ADCY2: variants seen among roughly 807,000 people sequenced by gnomAD.
ADCY2 encodes adenylate cyclase type 2.
Under a neutral mutation model 125.2 loss-of-function variants are expected in ADCY2, and 31 were observed. The ratio of observed to expected loss-of-function variants is 0.25; its 90% CI spans 0.19 to 0.33. ADCY2 has a LOEUF of 0.33. Ranked by LOEUF, ADCY2 falls within the 10% of genes least tolerant of loss-of-function variation. The pLI is 1.00. For synonymous variants in ADCY2, 512 were observed against 548.4 expected, an observed-to-expected ratio of 0.93 and a Z score of 0.93; for missense variants, 904 against 1,418.2, an observed-to-expected ratio of 0.64 and a Z score of 5.82.
At chr5:7,760,038 G>A (rs1743143784) in intron 16 of ADCY2, among the ~76,000 whole-genome samples, 1 of 152,152 alleles carries the variant, frequency 6.6e-6, no homozygotes, top group Non-Finnish European at 1.5e-5. Flanking sequence ...TCTTGAAAGA[G>A]CCTTTCTGCA....
chr5:7,772,395 A>G (rs1296727052), intron 17 of ADCY2, among the ~76,000 whole-genome samples: 8 of 152,208 alleles, frequency 5.3e-5, no homozygotes, highest in Non-Finnish European at 7.3e-5. Flanking sequence ...ACCCTGGTCA[A>G]GGCTTTTAAT....
chr5:7,794,168 AT>A (rs1219223318), intron 20 of ADCY2: 1 of 152,218 alleles, frequency 6.6e-6, no homozygotes, highest in Non-Finnish European at 1.5e-5. Context: ...TGATCGTGTC[AT>A]TCTGCTCAGC....
At chr5:7,616,232 AG>A (rs1372504585) in intron 3 of ADCY2, among the ~76,000 whole-genome samples, 1 of 152,194 alleles carries the variant, frequency 6.6e-6, no homozygotes, top group Non-Finnish European at 1.5e-5. Flanking sequence ...TAATGTCAGA[AG>A]GAGTATAATA....
chr5:7,689,678 G>C (rs567379320), intron 4 of ADCY2, among the ~76,000 whole-genome samples: 1 of 152,088 alleles, frequency 6.6e-6, no homozygotes, highest in African/African-American at 2.4e-5. Context: ...AAGCAAATCC[G>C]AGCTTCCCCT....
intron 3 of ADCY2, among the ~76,000 whole-genome samples, chr5:7,574,745 G>A (rs564969377): frequency 6.6e-6 from 1 of 152,264 alleles, no homozygotes; most frequent in African/African-American, 2.4e-5. Context: ...TTCACATGGA[G>A]GACATCCTTT....
intron 2 of ADCY2, among the ~76,000 whole-genome samples, chr5:7,468,985 G>A (rs1159940704): frequency 6.6e-6 from 1 of 152,064 alleles, no homozygotes; most frequent in African/African-American, 2.4e-5. Flanking sequence ...TCCTTACAAG[G>A]TCAAGGCAGA....
At chr5:7,522,255 T>C (rs918757644) in intron 3 of ADCY2, 1 of 152,234 alleles carries the variant, frequency 6.6e-6, no homozygotes, top group African/African-American at 2.4e-5. Context: ...AACACATCCA[T>C]CACCACCCAT....
chr5:7,671,744 G>A (rs138516391), intron 4 of ADCY2, among the ~76,000 whole-genome samples: 19 of 152,158 alleles, frequency 1.2e-4, no homozygotes, highest in African/African-American at 4.6e-4. Context: ...TACTGAGTGG[G>A]GAAATGAGAT....
intron 3 of ADCY2, among the ~76,000 whole-genome samples, chr5:7,614,145 C>T (rs963960674): frequency 1.3e-5 from 2 of 152,222 alleles, no homozygotes; most frequent in Non-Finnish European, 2.9e-5. Context: ...CTTCATGCAT[C>T]TCATGAGTGT....
intron 3 of ADCY2, among the ~76,000 whole-genome samples, chr5:7,562,674 A>G (rs1307251827): frequency 1.3e-5 from 2 of 152,198 alleles, no homozygotes; most frequent in African/African-American, 4.8e-5. Context: ...CGGCCTTAGT[A>G]GTGGGAAACA....
Position 7,724,687 on chromosome 5 carries a change from A to C in ADCY2, c.1773+73A>C, listed in dbSNP as rs925706424. On this transcript the variant is annotated intron_variant, in intron 13 of 24. Transcript: ENST00000338316. Reference sequence around the variant, plus strand: ...TGAATTTCTTCATGAAATTGTGCTCATGTTTTTTATATGTGACATTTAAAC... The same window carrying C: ...TGAATTTCTTCATGAAATTGTGCTCCTGTTTTTTATATGTGACATTTAAAC... 1.4e-5 allele frequency: 16 copies of C among 1,128,436 alleles called. No homozygotes were observed. The African/African-American group carries it at 2.2e-4, about 16-fold the overall frequency. The allele number at this position is 1,128,436 out of a possible 1,614,324, so 69.9% of individuals were successfully genotyped here.
At chr5:7,654,963 G>T (rs1011369213) in intron 4 of ADCY2, among the ~76,000 whole-genome samples, 1 of 152,200 alleles carries the variant, frequency 6.6e-6, no homozygotes, top group Non-Finnish European at 1.5e-5. Flanking sequence ...CCTAGAGGAT[G>T]TGACTGGCTG....
At chr5:7,458,707 C>T (rs969734344) in intron 2 of ADCY2, among the ~76,000 whole-genome samples, 4 of 152,140 alleles carry the variant, frequency 2.6e-5, no homozygotes, top group East Asian at 1.9e-4. Context: ...ACCATTATCA[C>T]ACAATTGTAA....
chr5:7,540,662 G>C (rs948500433), intron 3 of ADCY2, among the ~76,000 whole-genome samples: 5 of 152,138 alleles, frequency 3.3e-5, no homozygotes, highest in African/African-American at 9.7e-5. Flanking sequence ...TGAATATTCT[G>C]AATATTCCAG....
chr5:7,722,094 A>G (rs1741778547), intron 12 of ADCY2, among the ~76,000 whole-genome samples: 1 of 152,230 alleles, frequency 6.6e-6, no homozygotes. Flanking sequence ...GCCACAAGCC[A>G]GACCCGGTGT....
chr5:7,476,196 T>C (rs370667087), intron 2 of ADCY2, among the ~76,000 whole-genome samples: 4 of 151,986 alleles, frequency 2.6e-5, no homozygotes, highest in South Asian at 4.1e-4. Flanking sequence ...GCTTGTTCCA[T>C]ATTTAGTAGG....
intron 16 of ADCY2, among the ~76,000 whole-genome samples, chr5:7,765,178 A>G (rs1743341082): frequency 6.6e-6 from 1 of 152,212 alleles, no homozygotes; most frequent in Non-Finnish European, 1.5e-5. Context: ...TAGGTGATAT[A>G]TAATCAAGAA....
At chr5:7,421,750 G>A (rs1485884645) in intron 2 of ADCY2, among the ~76,000 whole-genome samples, 1 of 152,180 alleles carries the variant, frequency 6.6e-6, no homozygotes. Context: ...TGCTCTTGAT[G>A]TTGACTTTCC....
intron 16 of ADCY2, among the ~76,000 whole-genome samples, chr5:7,759,271 G>T (rs1006197569): frequency 2.0e-5 from 3 of 152,192 alleles, no homozygotes; most frequent in Non-Finnish European, 2.9e-5. Flanking sequence ...CCCCAAGAAA[G>T]AACATGAGGC....
Sources: allele counts gnomAD v4.1 joint callset (sites outside exome capture counted in the v4.1 genomes callset), GRCh38; gene constraint gnomAD v4.1.1; transcripts MANE v1.5; gene names NCBI Gene and HGNC (gene_info 2026-07-23, HGNC 2026-07-21).